PCDHA2: variants seen among roughly 807,000 people sequenced by gnomAD.
PCDHA2 encodes the protein protocadherin alpha 2, also known as protocadherin alpha-2.
PCDHA2 carries 58 observed loss-of-function variants against 66.0 expected under a neutral mutation model. That is an observed-to-expected ratio of 0.88 (90% CI 0.71 to 1.09). PCDHA2 has a LOEUF of 1.09. PCDHA2 is among the 50% of genes least tolerant of loss of function. The pLI is 0.00. For synonymous variants in PCDHA2, 634 were observed against 554.0 expected, an observed-to-expected ratio of 1.14 and a Z score of -2.03; for missense variants, 1,267 against 1,242.3, an observed-to-expected ratio of 1.02 and a Z score of -0.30.
At chr5:140,959,373 CA>C (rs1243465116) in intron 1 of PCDHA2, among the ~76,000 whole-genome samples, 26 of 145,126 alleles carry the variant, frequency 1.8e-4, no homozygotes, top group South Asian at 2.2e-4. Flanking sequence ...GACCCTGTCT[CA>C]AAAAAAAAAG....
At chr5:140,949,991 A>T (rs1585353048) in intron 1 of PCDHA2, among the ~76,000 whole-genome samples, 1 of 151,822 alleles carries the variant, frequency 6.6e-6, no homozygotes, top group East Asian at 1.9e-4. Flanking sequence ...AACTTTTCTC[A>T]GTCCACTTAA....
chr5:140,830,567 GTTTTTAA>G, intron 1 of PCDHA2: 1 of 951,116 alleles, frequency 1.1e-6, no homozygotes, highest in Non-Finnish European at 1.4e-6. Context: ...CTATATTTCT[GTTTTTAA>G]TTTTTAATTA....
intron 1 of PCDHA2, chr5:140,834,326 A>G: frequency 1.4e-6 from 2 of 1,449,926 alleles, no homozygotes; most frequent in South Asian, 1.3e-5. Flanking sequence ...GGATAAAAAC[A>G]TTCCTATAAA....
At chr5:140,979,159 T>C in intron 2 of PCDHA2, 152 bp downstream of exon 2, 4 of 1,426,630 alleles carry the variant, frequency 2.8e-6, no homozygotes, top group Non-Finnish European at 3.7e-6. Flanking sequence ...CCATGTTTAT[T>C]CCTTGAAAGA....
intron 1 of PCDHA2, chr5:140,856,675 G>T (rs782417357): frequency 6.3e-7 from 1 of 1,597,790 alleles, no homozygotes; most frequent in South Asian, 1.1e-5. Context: ...AGCTAAAGTT[G>T]TTGTTGACAG....
intron 1 of PCDHA2, among the ~76,000 whole-genome samples, chr5:140,827,210 A>G (rs1178615911): frequency 1.3e-5 from 2 of 152,226 alleles, no homozygotes; most frequent in Non-Finnish European, 2.9e-5. Context: ...AGTGAGAACA[A>G]TTAAAGGAAA....
At chr5:140,850,831 G>C (rs981885351) in intron 1 of PCDHA2, 1 of 1,598,080 alleles carries the variant, frequency 6.3e-7, no homozygotes, top group Non-Finnish European at 8.6e-7. Context: ...CTTTCTCCTT[G>C]TGCTGGATCT....
intron 1 of PCDHA2, among the ~76,000 whole-genome samples, chr5:140,879,282 A>T (rs1554170732): frequency 1.3e-5 from 2 of 152,238 alleles, no homozygotes; most frequent in Non-Finnish European, 2.9e-5. Context: ...ACTCAATACA[A>T]ATGATAAGAG....
intron 1 of PCDHA2, chr5:140,801,741 G>C: frequency 5.6e-6 from 9 of 1,613,948 alleles, no homozygotes; most frequent in Non-Finnish European, 7.6e-6. Flanking sequence ...TACCTTGGAC[G>C]TTAAAAGAAA....
At chr5:140,968,339 A>C in intron 1 of PCDHA2, 1 of 1,614,114 alleles carries the variant, frequency 6.2e-7, no homozygotes, top group Non-Finnish European at 8.5e-7. Flanking sequence ...TGTCTCCATT[A>C]ACAGTGCCAG....
intron 1 of PCDHA2, chr5:140,856,153 C>T: frequency 1.3e-6 from 2 of 1,598,310 alleles, no homozygotes; most frequent in Non-Finnish European, 1.7e-6. Flanking sequence ...ACTCAGTCTA[C>T]GAGGAGGCCA....
At chr5:140,946,077 C>T (rs246055) in intron 1 of PCDHA2, among the ~76,000 whole-genome samples, 85,716 of 151,878 alleles carry the variant, frequency 0.56, 24,786 homozygotes, top group African/African-American at 0.69. Context: ...TTGCAAACCA[C>T]AGATCTGATA....
intron 1 of PCDHA2, among the ~76,000 whole-genome samples, chr5:140,888,562 G>C (rs781854673): frequency 9.2e-5 from 14 of 152,112 alleles, no homozygotes; most frequent in Non-Finnish European, 1.8e-4. Context: ...TCCTTTCAAG[G>C]CTTCATTTTA....
At chr5:140,994,939 C>T (rs1210134523) in intron 3 of PCDHA2, among the ~76,000 whole-genome samples, 5 of 152,160 alleles carry the variant, frequency 3.3e-5, no homozygotes, top group Non-Finnish European at 7.3e-5. Context: ...CTTAAACATC[C>T]TGCTAAATAA....
intron 1 of PCDHA2, chr5:140,823,546 G>T (rs1264438585): frequency 6.2e-7 from 1 of 1,613,754 alleles, no homozygotes; most frequent in Non-Finnish European, 8.5e-7. Context: ...CCACGTGGTG[G>T]CGAAGGTGCG....
At chr5:140,899,222 A>T (rs1377710696) in intron 1 of PCDHA2, among the ~76,000 whole-genome samples, 2 of 152,012 alleles carry the variant, frequency 1.3e-5, no homozygotes, top group Non-Finnish European at 2.9e-5. Context: ...AACTTCCAAC[A>T]CTATGTTGAA....
chr5:140,883,594 G>C (rs1562791129), intron 1 of PCDHA2: 5 of 1,614,032 alleles, frequency 3.1e-6, no homozygotes, highest in South Asian at 1.1e-5. Context: ...CCAGCGTGTC[G>C]GTGGGGGTGG....
chr5:140,966,968 G>C, intron 1 of PCDHA2: 2 of 1,602,616 alleles, frequency 1.2e-6, no homozygotes, highest in Non-Finnish European at 1.7e-6. Context: ...GCTGGGGCTT[G>C]AGCTGCGGCG....
intron 1 of PCDHA2, chr5:140,876,018 A>G: frequency 6.2e-7 from 1 of 1,613,764 alleles, no homozygotes; most frequent in East Asian, 2.2e-5. Flanking sequence ...AGCTTAAAAT[A>G]AAAACAAAAA....
Sources: allele counts gnomAD v4.1 joint callset (sites outside exome capture counted in the v4.1 genomes callset), GRCh38; gene constraint gnomAD v4.1.1; transcripts MANE v1.5; gene names NCBI Gene and HGNC (gene_info 2026-07-23, HGNC 2026-07-21).